The following TAOK1 variants were observed in gnomAD, a reference collection of about 807,000 sequenced individuals.
The protein encoded by TAOK1 is TAO kinase 1.
TAOK1 carries 21 observed loss-of-function variants against 138.3 expected under a neutral mutation model. The ratio of observed to expected loss-of-function variants is 0.15; its 90% CI spans 0.11 to 0.22. The LOEUF is 0.22. Ranked by LOEUF, TAOK1 falls within the 10% of genes least tolerant of loss-of-function variation. TAOK1 has a pLI of 1.00. For missense variants in TAOK1, 651 were observed against 1,227.7 expected (o/e 0.53, Z 7.02); for synonymous variants, 361 against 398.4 (o/e 0.91, Z 1.12).
intron 12 of TAOK1, among the ~76,000 whole-genome samples, chr17:29,501,977 C>T (rs938836534): frequency 3.9e-5 from 6 of 152,062 alleles, no homozygotes; most frequent in Non-Finnish European, 7.4e-5. Context: ...GTTGACACTG[C>T]GGTGAGCCAT....
At chr17:29,464,451 A>G (rs890338921) in intron 2 of TAOK1, among the ~76,000 whole-genome samples, 3 of 151,810 alleles carry the variant, frequency 2.0e-5, no homozygotes, top group African/African-American at 7.3e-5. Flanking sequence ...CTCAAAAAAA[A>G]AAAAAAAGAA....
chr17:29,402,865 T>C (rs962685791), intron 1 of TAOK1, among the ~76,000 whole-genome samples: 6 of 151,454 alleles, frequency 4.0e-5, no homozygotes, highest in African/African-American at 1.2e-4. Flanking sequence ...GCTGAAACCC[T>C]GTCTCTACTA....
At chr17:29,534,001 T>C (rs1398067265) in intron 18 of TAOK1, 117 bp from the exon 19 acceptor site, 7 of 1,144,920 alleles carry the variant, frequency 6.1e-6, no homozygotes, top group Non-Finnish European at 8.1e-6. Context: ...AGAAAAATTG[T>C]CTAAACTAAA....
At chr17:29,526,918 G>GGA (rs1307360682) in intron 17 of TAOK1, among the ~76,000 whole-genome samples, 3 of 150,464 alleles carry the variant, frequency 2.0e-5, no homozygotes. Flanking sequence ...CACAAGGTCA[G>GGA]GAGATTGAGA....
intron 13 of TAOK1, among the ~76,000 whole-genome samples, chr17:29,507,666 AT>A (rs35385573): frequency 1.3e-5 from 2 of 151,580 alleles, no homozygotes; most frequent in African/African-American, 2.4e-5. Context: ...TCCTCCAAAT[AT>A]TTTTTTTCCT....
At position 29,489,651 on chromosome 17, in the gene TAOK1, C is replaced by T. The variant is rs746692202; in HGVS notation, c.656-13C>T. The stretch of plus-strand genomic sequence containing the variant: ...GAACCTATTTTAACAGGAATGTTTC[C>T]TTTCTTTTACAGCGGAAAGGAAGCC... On this transcript the variant is annotated splice_polypyrimidine_tract_variant and intron_variant, in intron 8 of 19. Coordinates refer to ENST00000261716, the MANE Select transcript of TAOK1 (RefSeq NM_020791.4). 1.3e-6 allele frequency: 2 copies of T among 1,589,932 alleles called. No individual in the cohort carries two copies. The highest frequency in any genetic ancestry group is 2.7e-5 in the African/African-American group (2 of 73,532).
At chr17:29,470,348 G>A (rs932923810) in intron 3 of TAOK1, among the ~76,000 whole-genome samples, 3 of 152,052 alleles carry the variant, frequency 2.0e-5, no homozygotes, top group Non-Finnish European at 2.9e-5. Flanking sequence ...GTACTGCTTG[G>A]TTTTTTTCTG....
intron 1 of TAOK1, among the ~76,000 whole-genome samples, chr17:29,421,035 T>C (rs1319914291): frequency 6.6e-6 from 1 of 152,134 alleles, no homozygotes; most frequent in African/African-American, 2.4e-5. Context: ...GTTCAAGTGA[T>C]TCTTCTGCCT....
At chr17:29,433,225 G>A (rs1905906563) in intron 1 of TAOK1, among the ~76,000 whole-genome samples, 1 of 152,056 alleles carries the variant, frequency 6.6e-6, no homozygotes, top group Non-Finnish European at 1.5e-5. Flanking sequence ...GAGGTCAGGA[G>A]TTCAAGACCA....
chr17:29,491,644 T>C (rs1399025258), intron 9 of TAOK1, 140 bp from the exon 10 acceptor site: 4 of 606,596 alleles, frequency 6.6e-6, no homozygotes, highest in Non-Finnish European at 8.8e-6. Context: ...CATAGACTTA[T>C]ATGAAACTGT....
intron 1 of TAOK1, among the ~76,000 whole-genome samples, chr17:29,412,898 C>T (rs997205893): frequency 3.3e-5 from 5 of 152,112 alleles, no homozygotes; most frequent in Non-Finnish European, 7.4e-5. Context: ...GAGTCTTGCA[C>T]GGGAATTGCA....
At chr17:29,511,842 T>G (rs2031726721) in intron 15 of TAOK1, 1 of 151,912 alleles carries the variant, frequency 6.6e-6, no homozygotes, top group Non-Finnish European at 1.5e-5. Context: ...CCACCGCACC[T>G]GATCACATTT....
intron 2 of TAOK1, among the ~76,000 whole-genome samples, chr17:29,462,344 A>C (rs539282189): frequency 1.3e-5 from 2 of 152,314 alleles, no homozygotes; most frequent in South Asian, 4.1e-4. Flanking sequence ...AGATAAACAT[A>C]ATCTTTTAGT....
At chr17:29,474,625 CTT>C (rs1213347004) in intron 3 of TAOK1, among the ~76,000 whole-genome samples, 1 of 152,130 alleles carries the variant, frequency 6.6e-6, no homozygotes, top group Non-Finnish European at 1.5e-5. Flanking sequence ...AATTCACCAT[CTT>C]ATATGGGCAC....
intron 17 of TAOK1, among the ~76,000 whole-genome samples, chr17:29,528,755 G>A (rs1033577171): frequency 2.1e-5 from 3 of 140,576 alleles, no homozygotes; most frequent in Non-Finnish European, 4.5e-5. Flanking sequence ...CAGGAAAATC[G>A]ATTGAACCCA....
intron 16 of TAOK1, among the ~76,000 whole-genome samples, chr17:29,518,497 A>G (rs1247012085): frequency 1.3e-5 from 2 of 152,138 alleles, no homozygotes; most frequent in Non-Finnish European, 2.9e-5. Context: ...ACAGACAGAC[A>G]ACTAACTAAA....
intron 1 of TAOK1, among the ~76,000 whole-genome samples, chr17:29,399,099 A>G (rs1904757367): frequency 6.8e-6 from 1 of 147,010 alleles, no homozygotes; most frequent in Admixed American, 6.9e-5. Context: ...TGATCCACCC[A>G]CCTTTGCCCT....
intron 2 of TAOK1, among the ~76,000 whole-genome samples, chr17:29,464,472 T>G (rs2030608304): frequency 6.6e-6 from 1 of 151,364 alleles, no homozygotes; most frequent in South Asian, 2.1e-4. Flanking sequence ...AAAAAAAATG[T>G]TCTGTAATTG....
At chr17:29,514,052 T>TG (rs1237042148) in intron 15 of TAOK1, 2 of 151,946 alleles carry the variant, frequency 1.3e-5, no homozygotes, top group Non-Finnish European at 2.9e-5. Context: ...CCCTGTAACT[T>TG]GGAAGGTGGA....
Sources: allele counts gnomAD v4.1 joint callset (sites outside exome capture counted in the v4.1 genomes callset), GRCh38; gene constraint gnomAD v4.1.1; transcripts MANE v1.5; gene names NCBI Gene and HGNC (gene_info 2026-07-23, HGNC 2026-07-21).